The following WWC2 variants were observed in gnomAD, a reference collection of about 807,000 sequenced individuals.
WWC2 encodes the protein WW and C2 domain containing 2.
WWC2 carries 101 observed loss-of-function variants against 138.5 expected under a neutral mutation model. The observed-to-expected ratio is 0.73, with a 90% confidence interval of 0.62 to 0.86. The LOEUF is 0.86. Among genes scored for constraint, WWC2 ranks in the 40% least tolerant of loss-of-function variants. WWC2 has a pLI of 0.00. For missense variants in WWC2, 1,420 were observed against 1,419.4 expected (o/e 1.00, Z -0.01); for synonymous variants, 558 against 538.4 (o/e 1.04, Z -0.50).
At chr4:183,186,093 G>C (rs982727522) in intron 1 of WWC2, among the ~76,000 whole-genome samples, 58 of 151,580 alleles carry the variant, frequency 3.8e-4, no homozygotes, top group African/African-American at 1.4e-3. Context: ...GACTACGAGC[G>C]CCCCCCACCA....
intron 1 of WWC2, among the ~76,000 whole-genome samples, chr4:183,170,213 C>T (rs567995465): frequency 7.2e-5 from 11 of 152,218 alleles, no homozygotes; most frequent in Admixed American, 2.6e-4. Context: ...TAGAAAATAG[C>T]GGGTCATGCT....
At chr4:183,289,868 G>A (rs150317153) in intron 21 of WWC2, among the ~76,000 whole-genome samples, 81 of 150,330 alleles carry the variant, frequency 5.4e-4, no homozygotes, top group African/African-American at 1.9e-3. Flanking sequence ...GGGGATGGGC[G>A]TGGCCAGTAG....
chr4:183,232,955 A>G (rs892607991), intron 4 of WWC2, among the ~76,000 whole-genome samples: 9 of 151,678 alleles, frequency 5.9e-5, no homozygotes, highest in African/African-American at 1.9e-4. Flanking sequence ...GCCGTATTTT[A>G]TTTATCCAGT....
chr4:183,297,410 C>CTT (rs35089821), intron 21 of WWC2, among the ~76,000 whole-genome samples: 21 of 140,778 alleles, frequency 1.5e-4, no homozygotes, highest in Admixed American at 3.6e-4. Flanking sequence ...GAGATAAACA[C>CTT]TTTTTTTTTT....
At chr4:183,102,868 C>G (rs74771359) in intron 1 of WWC2, among the ~76,000 whole-genome samples, 1 of 118,824 alleles carries the variant, frequency 8.4e-6, no homozygotes, top group Non-Finnish European at 1.8e-5. Flanking sequence ...TGGCCTGGTG[C>G]TTTTTTTTTT....
At chr4:183,280,344 C>A (rs1738028502) in intron 16 of WWC2, among the ~76,000 whole-genome samples, 1 of 145,970 alleles carries the variant, frequency 6.9e-6, no homozygotes, top group African/African-American at 2.5e-5. Context: ...ATTGAGCTCA[C>A]TTTACAGTTC....
chr4:183,164,354 AT>A (rs1734064010), intron 1 of WWC2, among the ~76,000 whole-genome samples: 17 of 232 alleles, frequency 0.073, no homozygotes, highest in African/African-American at 0.13. Context: ...TATATTATAT[AT>A]ACATATATAT....
At chr4:183,111,185 A>C (rs1479253447) in intron 1 of WWC2, among the ~76,000 whole-genome samples, 1 of 152,182 alleles carries the variant, frequency 6.6e-6, no homozygotes. Flanking sequence ...GCTTGCAGTG[A>C]GCGGAGATTG....
chr4:183,196,053 TC>T (rs1735132942), intron 2 of WWC2, among the ~76,000 whole-genome samples: 1 of 152,204 alleles, frequency 6.6e-6, no homozygotes, highest in South Asian at 2.1e-4. Context: ...TGAAGCATCT[TC>T]CGCTTACTCT....
At chr4:183,113,479 C>T (rs1732302929) in intron 1 of WWC2, among the ~76,000 whole-genome samples, 1 of 96,812 alleles carries the variant, frequency 1.0e-5, no homozygotes, top group African/African-American at 4.0e-5. Context: ...TAAGGTGGGG[C>T]CTGTGTGTGT....
intron 21 of WWC2, among the ~76,000 whole-genome samples, chr4:183,301,169 A>C (rs1402395649): frequency 1.3e-5 from 2 of 152,182 alleles, no homozygotes; most frequent in Non-Finnish European, 2.9e-5. Context: ...AATTTGACAT[A>C]CCATAGCAAG....
At chr4:183,150,507 A>G (rs1167251365) in intron 1 of WWC2, among the ~76,000 whole-genome samples, 5 of 152,120 alleles carry the variant, frequency 3.3e-5, no homozygotes, top group Non-Finnish European at 5.9e-5. Flanking sequence ...ATTATATAGT[A>G]TTAGGTTTGT....
intron 1 of WWC2, among the ~76,000 whole-genome samples, chr4:183,143,652 C>CA: frequency 6.6e-6 from 1 of 151,324 alleles, no homozygotes; most frequent in East Asian, 1.9e-4. Flanking sequence ...ACAAAAAATG[C>CA]AAAAATTTAG....
intron 11 of WWC2, among the ~76,000 whole-genome samples, chr4:183,263,754 T>C (rs1463120937): frequency 1.3e-5 from 2 of 152,042 alleles, no homozygotes; most frequent in African/African-American, 4.8e-5. Context: ...GAGTGAGACC[T>C]TGTCTCAAAA....
chr4:183,138,025 A>G (rs1471899081), intron 1 of WWC2, among the ~76,000 whole-genome samples: 1 of 152,156 alleles, frequency 6.6e-6, no homozygotes. Flanking sequence ...TCTTTCAGAA[A>G]GGGTTTATAT....
rs202014825 is a variant in WWC2 at position 183,246,550 on chromosome 4, TACTG to T, written c.732+1009_732+1012del. Among the ~76,000 whole-genome samples the T allele has an allele frequency of 8.5e-3, 1,289 of 152,328 alleles. 31 individuals carry two copies. Among genetic ancestry groups the T allele is most frequent in the African/African-American group, 0.029 (1,216 of 41,570 alleles). ...AATAATAATAGCATGTAATTGTAAA[TACTG>T]ACTTTGTGCCAGACATTCTTCTAAC... On this transcript the variant is annotated intron_variant, in intron 6 of 22. Transcript: ENST00000403733.
intron 1 of WWC2, among the ~76,000 whole-genome samples, chr4:183,149,187 G>C (rs1037799850): frequency 2.0e-5 from 3 of 152,050 alleles, no homozygotes; most frequent in Admixed American, 6.5e-5. Context: ...AACTTTGCCA[G>C]CCACCCCAGA....
At chr4:183,112,883 A>G (rs190992410) in intron 1 of WWC2, among the ~76,000 whole-genome samples, 36 of 152,252 alleles carry the variant, frequency 2.4e-4, no homozygotes, top group Non-Finnish European at 4.6e-4. Flanking sequence ...TAGGCAGAAG[A>G]AAAGACTAAA....
intron 4 of WWC2, among the ~76,000 whole-genome samples, chr4:183,229,123 C>A (rs1490944477): frequency 6.6e-6 from 1 of 152,078 alleles, no homozygotes; most frequent in African/African-American, 2.4e-5. Flanking sequence ...GTTGTTTCTT[C>A]AGCTGTTGGC....
Sources: allele counts gnomAD v4.1 joint callset (sites outside exome capture counted in the v4.1 genomes callset), GRCh38; gene constraint gnomAD v4.1.1; transcripts MANE v1.5; gene names NCBI Gene and HGNC (gene_info 2026-07-23, HGNC 2026-07-21).